Variants in ABLIM1 observed in about 807,000 individuals in gnomAD.
The protein encoded by ABLIM1 is actin-binding LIM protein 1.
Under a neutral mutation model 107.0 loss-of-function variants are expected in ABLIM1, and 40 were observed. The observed-to-expected ratio is 0.37, with a 90% confidence interval of 0.29 to 0.49. The LOEUF is 0.49. Among genes scored for constraint, ABLIM1 ranks in the 20% least tolerant of loss-of-function variants. The probability of loss-of-function intolerance (pLI) is 0.97; values close to 1 mark genes in which losing one functional copy is unlikely to be tolerated. For synonymous variants in ABLIM1, 357 were observed against 357.3 expected (o/e 1.00, Z 0.01); for missense variants, 857 against 1,008.5 (o/e 0.85, Z 2.04).
At chr10:114,441,942 C>T (rs1050815661) in intron 17 of ABLIM1, among the ~76,000 whole-genome samples, 156 bp from the exon 18 acceptor site, 1 of 151,980 alleles carries the variant, frequency 6.6e-6, no homozygotes, top group Non-Finnish European at 1.5e-5. Flanking sequence ...ATCATATTTG[C>T]AAGGAGTGGG....
At chr10:114,731,602 C>T (rs2082075440) in intron 1 of ABLIM1, among the ~76,000 whole-genome samples, 1 of 151,204 alleles carries the variant, frequency 6.6e-6, no homozygotes, top group Admixed American at 6.6e-5. Context: ...AGGTTCAAAC[C>T]TTGGCTCACT....
chr10:114,589,870 A>G (rs2074663902), intron 2 of ABLIM1, among the ~76,000 whole-genome samples: 1 of 152,190 alleles, frequency 6.6e-6, no homozygotes, highest in African/African-American at 2.4e-5. Context: ...GTCTATGTGT[A>G]CAGTGTAGAT....
chr10:114,463,263 A>C, intron 12 of ABLIM1: 1 of 1,142,668 alleles, frequency 8.8e-7, no homozygotes, highest in African/African-American at 1.6e-5. Context: ...CCAAGGGAAA[A>C]CAAAATAAAG....
chr10:114,690,587 G>A, intron 1 of ABLIM1: 1 of 903,142 alleles, frequency 1.1e-6, no homozygotes, highest in Non-Finnish European at 1.9e-6. Context: ...AGGAGATGCA[G>A]CCCAAGGGCT....
At chr10:114,507,768 G>C (rs2061355058) in intron 6 of ABLIM1, among the ~76,000 whole-genome samples, 1 of 152,206 alleles carries the variant, frequency 6.6e-6, no homozygotes, top group Non-Finnish European at 1.5e-5. Flanking sequence ...GGTGATTTGT[G>C]AACTGTGGGT....
chr10:114,677,389 T>C (rs997637433), intron 1 of ABLIM1, among the ~76,000 whole-genome samples: 1 of 152,190 alleles, frequency 6.6e-6, no homozygotes, highest in Non-Finnish European at 1.5e-5. Flanking sequence ...ATTGATAGCA[T>C]TAAGCCTCTT....
At chr10:114,774,074 GAATA>G in the ABLIM1 span, among the ~76,000 whole-genome samples, 1 of 151,742 alleles carries the variant, frequency 6.6e-6, no homozygotes, top group Non-Finnish European at 1.5e-5. Context: ...AAAAAAGAAA[GAATA>G]AATAAAGAGT....
At chr10:114,531,069 G>A (rs1432763904) in intron 6 of ABLIM1, among the ~76,000 whole-genome samples, 1 of 152,192 alleles carries the variant, frequency 6.6e-6, no homozygotes, top group Non-Finnish European at 1.5e-5. Flanking sequence ...CTAAAGTTAA[G>A]CGATTTAAGA....
intron 1 of ABLIM1, among the ~76,000 whole-genome samples, chr10:114,766,284 C>T (rs1413915849): frequency 6.6e-6 from 1 of 152,146 alleles, no homozygotes; most frequent in African/African-American, 2.4e-5. Context: ...ATATTTTTCC[C>T]TCTACAAGAT....
chr10:114,575,491 T>G lies in ABLIM1; in HGVS notation c.488A>C (p.Glu163Ala), dbSNP rs75159693. The G allele has an allele frequency of 1.2e-6, 2 of 1,614,004 alleles. No homozygotes were observed. Among genetic ancestry groups the G allele is most frequent in the African/African-American group, 2.7e-5 (2 of 74,908 alleles). Residue 163 changes from glutamate (E) to alanine (A), a missense_variant, in exon 3 of 23, where the codon GAG becomes GCG. Physicochemically the swap from Glu to Ala is moderately radical, Grantham distance 107. Coordinates refer to ENST00000533213, the MANE Select transcript of ABLIM1 (RefSeq NM_002313.7). ...MYGTRCHGCG[E>A]FVEGEVVTAL... is the part of the protein sequence containing the mutation. ...AGTCACCACTTCGCCCTCCACGAACTCCCCACAGCCATGGCAGCGTGTCCC... is the reference window on the plus strand; with the variant it reads ...AGTCACCACTTCGCCCTCCACGAACGCCCCACAGCCATGGCAGCGTGTCCC...
chr10:114,758,095 T>C (rs1169813508), intron 1 of ABLIM1, among the ~76,000 whole-genome samples: 1 of 152,152 alleles, frequency 6.6e-6, no homozygotes, highest in Non-Finnish European at 1.5e-5. Flanking sequence ...TATCGCCCCA[T>C]ATGCAATAGC....
At chr10:114,439,372 T>A (rs1364994455) in intron 20 of ABLIM1, 122 bp from the exon 21 acceptor site, 9 of 952,030 alleles carry the variant, frequency 9.5e-6, no homozygotes, top group Non-Finnish European at 1.5e-5. Flanking sequence ...ATTTGTGTCA[T>A]CTAAATGACC....
At chr10:114,508,848 C>T (rs1156855322) in intron 6 of ABLIM1, among the ~76,000 whole-genome samples, 3 of 152,150 alleles carry the variant, frequency 2.0e-5, no homozygotes, top group Non-Finnish European at 4.4e-5. Context: ...TGTCCCTGAG[C>T]CCTAAACTGT....
intron 4 of ABLIM1, among the ~76,000 whole-genome samples, chr10:114,550,155 G>C (rs910791047): frequency 6.6e-6 from 1 of 152,068 alleles, no homozygotes; most frequent in Non-Finnish European, 1.5e-5. Context: ...GTGTGTATTA[G>C]ATGGTCATAT....
At chr10:114,635,609 C>T (rs570481582) in intron 1 of ABLIM1, among the ~76,000 whole-genome samples, 6 of 152,346 alleles carry the variant, frequency 3.9e-5, no homozygotes, top group African/African-American at 9.6e-5. Flanking sequence ...CTGCAACCTC[C>T]GCCTCCTAGG....
At chr10:114,694,016 C>T (rs1199522998) in intron 1 of ABLIM1, among the ~76,000 whole-genome samples, 1 of 152,034 alleles carries the variant, frequency 6.6e-6, no homozygotes, top group East Asian at 1.9e-4. Flanking sequence ...AGAATAGTAG[C>T]AAAAGCCCTG....
In ABLIM1 at chr10:114,435,002, A is replaced by G. The variant is rs1206320980; in HGVS notation, c.*1258T>C. ...ACACACTCGGTGACAATGTCTTTAG[A>G]AGCTGCAACACAGCAGGACAAACAT... is the stretch of plus-strand genomic sequence containing the variant. On this transcript the variant is annotated 3_prime_UTR_variant, in exon 23 of 23. Coordinates refer to ENST00000533213, the MANE Select transcript of ABLIM1 (RefSeq NM_002313.7). 2 of 152,186 alleles carry G rather than the reference A, an allele frequency of 1.3e-5. No individual in the cohort carries two copies. Among genetic ancestry groups the G allele is most frequent in the African/African-American group, 4.8e-5 (2 of 41,434 alleles). The allele number at this position is 152,186 out of a possible 1,614,324, so 9.4% of individuals were successfully genotyped here.
chr10:114,466,837 T>C (rs1159683049), intron 11 of ABLIM1, among the ~76,000 whole-genome samples: 1 of 152,180 alleles, frequency 6.6e-6, no homozygotes, highest in Non-Finnish European at 1.5e-5. Context: ...GCGTTACATG[T>C]TCAACAAATT....
At chr10:114,494,007 T>G (rs1024159039) in intron 6 of ABLIM1, among the ~76,000 whole-genome samples, 2 of 152,196 alleles carry the variant, frequency 1.3e-5, no homozygotes, top group African/African-American at 4.8e-5. Context: ...CATAAAATTT[T>G]TTTCTAAGTC....
Sources: gnomAD v4.1 joint callset for allele counts (sites outside exome capture counted in the v4.1 genomes callset) on GRCh38, gnomAD v4.1.1 for gene constraint, MANE v1.5 for transcripts, NCBI Gene and HGNC (gene_info 2026-07-23, HGNC 2026-07-21) for gene names.